ENOX1: variants seen among roughly 807,000 people sequenced by gnomAD.
The protein encoded by ENOX1 is candidate growth-related and time keeping constitutive hydroquinone (NADH) oxidase.
A neutral mutation model predicts 82.5 loss-of-function variants in ENOX1; 42 were observed. The observed-to-expected ratio is 0.51, with a 90% CI of 0.40 to 0.66. The LOEUF is 0.66. Ranked by LOEUF, ENOX1 falls within the 30% of genes least tolerant of loss-of-function variation. The pLI is 0.00. For synonymous variants in ENOX1, 271 were observed against 282.2 expected (o/e 0.96, Z 0.40); for missense variants, 608 against 811.6 (o/e 0.75, Z 3.05).
chr13:43,311,944 G>A (rs7334628), intron 11 of ENOX1, among the ~76,000 whole-genome samples: 143,092 of 152,142 alleles, frequency 0.94, 67,918 homozygotes, highest in East Asian at 1. Context: ...AGTATTGCAT[G>A]TGGAGACATT....
chr13:43,730,245 T>G (rs753251149), intron 1 of ENOX1, among the ~76,000 whole-genome samples: 3 of 152,216 alleles, frequency 2.0e-5, no homozygotes, highest in Non-Finnish European at 4.4e-5. Context: ...AGGTGGTATC[T>G]CTAGGGCTGA....
intron 3 of ENOX1, among the ~76,000 whole-genome samples, chr13:43,459,817 C>T (rs2057385698): frequency 6.6e-6 from 1 of 152,098 alleles, no homozygotes; most frequent in Admixed American, 6.6e-5. Flanking sequence ...CATCGTGAAA[C>T]CCCATCTCTA....
intron 3 of ENOX1, among the ~76,000 whole-genome samples, chr13:43,481,193 G>A (rs1476719947): frequency 3.9e-5 from 6 of 151,962 alleles, no homozygotes; most frequent in African/African-American, 1.5e-4. Flanking sequence ...TCCCGATGTC[G>A]AAATGTAACA....
intron 11 of ENOX1, among the ~76,000 whole-genome samples, chr13:43,301,707 A>C (rs895329170): frequency 6.6e-6 from 1 of 152,014 alleles, no homozygotes; most frequent in African/African-American, 2.4e-5. Context: ...AATTTTCGTT[A>C]CTCATGTGGC....
chr13:43,511,422 C>A (rs896489618), intron 2 of ENOX1, among the ~76,000 whole-genome samples: 1 of 152,112 alleles, frequency 6.6e-6, no homozygotes, highest in Non-Finnish European at 1.5e-5. Flanking sequence ...GTTACATTTA[C>A]ATGGACTTTG....
chr13:43,767,078 T>G (rs764819516), intron 1 of ENOX1, among the ~76,000 whole-genome samples: 7 of 152,218 alleles, frequency 4.6e-5, no homozygotes, highest in Non-Finnish European at 8.8e-5. Flanking sequence ...GAGAACTATT[T>G]TTAACACATG....
chr13:43,649,741 A>G, intron 2 of ENOX1, among the ~76,000 whole-genome samples: 1 of 152,192 alleles, frequency 6.6e-6, no homozygotes, highest in East Asian at 1.9e-4. Context: ...TTCTCACAAA[A>G]TGAGAAAGAC....
chr13:43,715,991 C>T (rs1472449788), intron 1 of ENOX1, among the ~76,000 whole-genome samples: 1 of 152,180 alleles, frequency 6.6e-6, no homozygotes, highest in East Asian at 1.9e-4. Flanking sequence ...ACTTCTTTGC[C>T]ATTGGTTTGA....
At chr13:43,748,657 CT>C (rs1950154661) in intron 1 of ENOX1, among the ~76,000 whole-genome samples, 1 of 152,130 alleles carries the variant, frequency 6.6e-6, no homozygotes, top group African/African-American at 2.4e-5. Flanking sequence ...AAAATACCTC[CT>C]CCTTCAAAGC....
chr13:43,738,355 G>T (rs1406937064), intron 1 of ENOX1, among the ~76,000 whole-genome samples: 1 of 152,018 alleles, frequency 6.6e-6, no homozygotes, highest in Non-Finnish European at 1.5e-5. Context: ...AATGAATAAA[G>T]AAAATAACAT....
chr13:43,625,485 G>GA (rs35323651), intron 2 of ENOX1, among the ~76,000 whole-genome samples: 1 of 151,872 alleles, frequency 6.6e-6, no homozygotes, highest in Non-Finnish European at 1.5e-5. Context: ...TGTTTTTGTA[G>GA]ACTGTCATAT....
intron 14 of ENOX1, among the ~76,000 whole-genome samples, chr13:43,247,856 TATATATATATATATATATATA>T (rs2043188464): frequency 5.5e-3 from 24 of 4,332 alleles, no homozygotes; most frequent in Admixed American, 8.5e-3. Context: ...TATATATATA[TATATATATATATATATATATA>T]TATATATTTT....
chr13:43,551,537 C>G (rs1015645945), intron 2 of ENOX1, among the ~76,000 whole-genome samples: 1 of 152,116 alleles, frequency 6.6e-6, no homozygotes, highest in African/African-American at 2.4e-5. Context: ...CATTTTTATA[C>G]ACCAAAAACT....
chr13:43,457,033 T>C (rs1159403450), intron 3 of ENOX1, among the ~76,000 whole-genome samples: 1 of 152,212 alleles, frequency 6.6e-6, no homozygotes, highest in Non-Finnish European at 1.5e-5. Context: ...TTAAAATTCT[T>C]TACTAATTTC....
Position 43,484,102 on chromosome 13 carries a change from CA to C in ENOX1, c.-169del. ...AAAAGTCTTTTAAATGGATGCTCTT[CA>C]CAAAGGAAGTCTCATGGAAGACAGC... On this transcript the variant is annotated 5_prime_UTR_variant, in exon 3 of 17. An upstream open reading frame in the 5' UTR loses its in-frame stop. Coordinates refer to ENST00000690772, the MANE Select transcript of ENOX1 (RefSeq NM_001347969.2). The C allele has an allele frequency of 4.1e-6, 4 of 985,458 alleles. No homozygotes were observed. The highest frequency in any genetic ancestry group is 2.4e-6 in the Non-Finnish European group (2 of 829,910). The allele number at this position is 985,458 out of a possible 1,614,324, so 61.0% of individuals were successfully genotyped here. A position where few individuals can be genotyped will look rare whatever the true frequency, so the allele number is the denominator to read the frequency against.
chr13:43,396,672 G>A (rs2053172995), intron 5 of ENOX1, among the ~76,000 whole-genome samples: 1 of 152,126 alleles, frequency 6.6e-6, no homozygotes, highest in African/African-American at 2.4e-5. Context: ...TGAGCCACCA[G>A]TCCCGGCCAA....
chr13:43,676,523 T>C (rs779885802), intron 1 of ENOX1, among the ~76,000 whole-genome samples: 2 of 152,218 alleles, frequency 1.3e-5, no homozygotes, highest in Non-Finnish European at 2.9e-5. Context: ...CCTCTATGTT[T>C]GTCCCTGTGA....
At chr13:43,470,273 C>CATATATATATACGT (rs1389770595) in intron 3 of ENOX1, among the ~76,000 whole-genome samples, 1 of 44,986 alleles carries the variant, frequency 2.2e-5, no homozygotes, top group East Asian at 2.6e-4. Context: ...TATATATACA[C>CATATATATATACGT]ATATATATAC....
chr13:43,407,245 C>G (rs1020335759), intron 5 of ENOX1, among the ~76,000 whole-genome samples: 1 of 152,096 alleles, frequency 6.6e-6, no homozygotes, highest in Admixed American at 6.5e-5. Context: ...TCAGGCAACA[C>G]CTGACCCAAA....
Sources: gnomAD v4.1 joint callset for allele counts (sites outside exome capture counted in the v4.1 genomes callset) on GRCh38, gnomAD v4.1.1 for gene constraint, MANE v1.5 for transcripts, NCBI Gene and HGNC (gene_info 2026-07-23, HGNC 2026-07-21) for gene names.